FKBP3: variants seen among roughly 807,000 people sequenced by gnomAD.
The protein encoded by FKBP3 is peptidyl-prolyl cis-trans isomerase FKBP3.
Under a neutral mutation model 30.6 loss-of-function variants are expected in FKBP3, and 21 were observed. The ratio of observed to expected loss-of-function variants is 0.69; its 90% CI spans 0.49 to 0.99. FKBP3 has a LOEUF of 0.99. Among genes scored for constraint, FKBP3 ranks in the 50% least tolerant of loss-of-function variants. The pLI, the probability that FKBP3 is intolerant of heterozygous loss-of-function variation, is 0.00. For synonymous variants in FKBP3, 82 were observed against 91.3 expected (o/e 0.90, Z 0.58); for missense variants, 283 against 261.6 (o/e 1.08, Z -0.56).
At chr14:45,134,304 C>A (rs970836634) in intron 1 of FKBP3, 45 bp downstream of exon 1, 1 of 1,429,548 alleles carries the variant, frequency 7.0e-7, no homozygotes, top group Non-Finnish European at 9.8e-7. Flanking sequence ...GGGGGTGAGG[C>A]GTCCCTCAGC....
intron 4 of FKBP3, 58 bp downstream of exon 4, chr14:45,121,427 C>A: frequency 1.4e-6 from 2 of 1,456,914 alleles, no homozygotes; most frequent in Non-Finnish European, 1.9e-6. Context: ...CATCTGTCTG[C>A]CACCCAAGTA....
intron 2 of FKBP3, 35 bp from the exon 3 acceptor site, chr14:45,129,936 C>T: frequency 7.3e-7 from 1 of 1,361,758 alleles, no homozygotes; most frequent in Non-Finnish European, 1.0e-6. Flanking sequence ...ATACCCAGGA[C>T]AGGCTAAAAC....
At position 45,134,447 on chromosome 14, in the gene FKBP3, C is replaced by A. The variant is rs534477722; in HGVS notation, c.10G>T (p.Ala4Ser). Residue 4 changes from alanine (A) to serine (S), a missense_variant, in exon 1 of 7, where the codon GCC (alanine) becomes TCC (serine). By Grantham distance (99) the Ala-to-Ser change is moderately conservative (BLOSUM62 1). Coordinates refer to ENST00000396062, the MANE Select transcript of FKBP3 (RefSeq NM_002013.4). MAA[A>S]VPQRAWTVEQ... ...ACGGTCCACGCCCGCTGTGGAACGG[C>A]CGCCGCCATCTTCCCCCGCTGCCTC... 1.4e-4 allele frequency: 222 copies of A among 1,610,108 alleles called. 2 individuals carry two copies. In the South Asian group the frequency reaches 1.9e-3, roughly 14 times the overall value.
intron 1 of FKBP3, among the ~76,000 whole-genome samples, chr14:45,133,682 G>C (rs936516950): frequency 6.6e-6 from 1 of 152,158 alleles, no homozygotes; most frequent in Non-Finnish European, 1.5e-5. Flanking sequence ...GGTTAAGATG[G>C]AGACTATGCT....
chr14:45,116,198 T>C lies in FKBP3; in HGVS notation c.675A>G (p.Ter225TrpextTer26). 2.5e-6 allele frequency: 4 copies of C among 1,608,480 alleles called. No homozygotes were observed. The highest frequency in any genetic ancestry group is 3.4e-6 in the Non-Finnish European group (4 of 1,174,998). ...TCCTTAGAGCTGAAGCACTGCTATT[T>C]CAATCAATATCCACTAATTCCACTT... Reference protein sequence around the residue: ...TFEVELVDID* With the variant: ...TFEVELVDIDW The change falls in exon 7 of 7, where the codon TGA becomes TGG. Residue 225 changes from the stop codon to tryptophan (W), a stop_lost. Coordinates refer to ENST00000396062, the MANE Select transcript of FKBP3 (RefSeq NM_002013.4).
intron 4 of FKBP3, 43 bp from the exon 5 acceptor site, chr14:45,120,997 T>G: frequency 5.0e-6 from 7 of 1,408,192 alleles, no homozygotes; most frequent in Non-Finnish European, 6.9e-6. Flanking sequence ...ATACTCTAAT[T>G]TATTATTAAG....
chr14:45,119,207 G>A (rs1189418530), intron 5 of FKBP3, among the ~76,000 whole-genome samples: 1 of 152,146 alleles, frequency 6.6e-6, no homozygotes, highest in Non-Finnish European at 1.5e-5. Flanking sequence ...ATTATATGCT[G>A]TATTGAAATG....
intron 1 of FKBP3, chr14:45,131,030 G>A (rs898850693): frequency 3.1e-6 from 1 of 326,462 alleles, no homozygotes; most frequent in Non-Finnish European, 5.6e-6. Context: ...GTTATGTACT[G>A]AACACAGTGT....
At chr14:45,132,103 T>C (rs1056884529) in intron 1 of FKBP3, among the ~76,000 whole-genome samples, 1 of 152,252 alleles carries the variant, frequency 6.6e-6, no homozygotes, top group African/African-American at 2.4e-5. Flanking sequence ...TGGCATCTTC[T>C]AAGCTTTTGA....
chr14:45,116,393 A>G (rs1012821340), intron 6 of FKBP3, 141 bp from the exon 7 acceptor site: 23 of 581,322 alleles, frequency 4.0e-5, no homozygotes, highest in African/African-American at 3.7e-4. Flanking sequence ...ATGCTTTACA[A>G]GTACTCCTAA....
At chr14:45,129,634 GT>G (rs1465937450) in intron 3 of FKBP3, among the ~76,000 whole-genome samples, 159 bp downstream of exon 3, 2 of 152,118 alleles carry the variant, frequency 1.3e-5, no homozygotes, top group African/African-American at 4.8e-5. Flanking sequence ...TTCTGTCCCA[GT>G]ACACCTAAGG....
In FKBP3 at chr14:45,134,464, C is replaced by G. The variant is rs762376485; in HGVS notation, c.-8G>C. On this transcript the variant is annotated 5_prime_UTR_variant, in exon 1 of 7. Transcript: ENST00000396062. ...TGGAACGGCCGCCGCCATCTTCCCC[C>G]GCTGCCTCCGCTTTACTGAGCCAGC... 1.0e-4 allele frequency: 166 copies of G among 1,608,972 alleles called. No individual in the cohort carries two copies. Among genetic ancestry groups the G allele is most frequent in the Admixed American group, 8.4e-5 (5 of 59,446 alleles).
rs780497333 is a variant in FKBP3 at position 45,129,785 on chromosome 14, T to C, written c.318+9A>G. On this transcript the variant is annotated intron_variant, in intron 3 of 6. Transcript: ENST00000396062. ...ACATGATAAAATAAAAAAATAATTA[T>C]ATACAGACCTCATCCAGGGTCTCTT... is the stretch of plus-strand genomic sequence containing the variant. 6 of 1,503,310 alleles carry C rather than the reference T, an allele frequency of 4.0e-6. No individual in the cohort carries two copies. Among genetic ancestry groups the C allele is most frequent in the Non-Finnish European group, 5.4e-6 (6 of 1,105,500 alleles). The allele number at this position is 1,503,310 out of a possible 1,614,324, so 93.1% of individuals were successfully genotyped here.
intron 1 of FKBP3, among the ~76,000 whole-genome samples, 187 bp downstream of exon 1, chr14:45,134,162 A>C (rs1321935779): frequency 1.3e-5 from 2 of 152,216 alleles, no homozygotes; most frequent in Admixed American, 6.5e-5. Context: ...CCCCTGCCCC[A>C]GTAGAGAACG....
At chr14:45,123,181 A>T (rs971279809) in intron 3 of FKBP3, among the ~76,000 whole-genome samples, 1 of 100,792 alleles carries the variant, frequency 9.9e-6, no homozygotes, top group African/African-American at 6.9e-5. Flanking sequence ...GCTCCATCTA[A>T]AAAAAAAAAA....
intron 1 of FKBP3, 138 bp downstream of exon 1, chr14:45,134,211 G>C: frequency 1.4e-6 from 1 of 705,964 alleles, no homozygotes; most frequent in Non-Finnish European, 2.4e-6. Flanking sequence ...CACAAGCTGG[G>C]CCTCTCCGGC....
At chr14:45,130,570 A>G (rs373610425) in intron 2 of FKBP3, 129 bp downstream of exon 2, 13 of 538,208 alleles carry the variant, frequency 2.4e-5, no homozygotes, top group Non-Finnish European at 4.2e-5. Flanking sequence ...TCCACTTATG[A>G]TAACAGTTCA....
At chr14:45,117,561 CTG>C (rs1884879523) in intron 6 of FKBP3, among the ~76,000 whole-genome samples, 1 of 152,078 alleles carries the variant, frequency 6.6e-6, no homozygotes, top group Non-Finnish European at 1.5e-5. Flanking sequence ...TACACTAACA[CTG>C]TTGATTCTGT....
At chr14:45,117,423 T>G (rs570484547) in intron 6 of FKBP3, among the ~76,000 whole-genome samples, 1 of 151,500 alleles carries the variant, frequency 6.6e-6, no homozygotes, top group African/African-American at 2.5e-5. Context: ...AGCCATAAAC[T>G]TACCTTCCCT....
Sources: gnomAD v4.1 joint callset for allele counts (sites outside exome capture counted in the v4.1 genomes callset) on GRCh38, gnomAD v4.1.1 for gene constraint, MANE v1.5 for transcripts, NCBI Gene and HGNC (gene_info 2026-07-23, HGNC 2026-07-21) for gene names.